The following APBA2 variants were observed in gnomAD, a reference collection of about 807,000 sequenced individuals.
The protein encoded by APBA2 is amyloid beta precursor protein binding family A member 2.
A neutral mutation model predicts 75.0 loss-of-function variants in APBA2; 30 were observed. That is an observed-to-expected ratio of 0.40 (90% CI 0.30 to 0.54). APBA2 has a LOEUF of 0.54. Ranked by LOEUF, APBA2 falls within the 20% of genes least tolerant of loss-of-function variation. The pLI, the probability that APBA2 is intolerant of heterozygous loss-of-function variation, is 0.49. For missense variants in APBA2, 801 were observed against 1,016.1 expected, an observed-to-expected ratio of 0.79 and a Z score of 2.88; for synonymous variants, 444 against 409.6, an observed-to-expected ratio of 1.08 and a Z score of -1.01.
intron 2 of APBA2, among the ~76,000 whole-genome samples, chr15:28,949,823 A>G (rs1016913242): frequency 6.6e-6 from 1 of 152,214 alleles, no homozygotes; most frequent in Admixed American, 6.5e-5. Flanking sequence ...GTTATAAAAA[A>G]GTTGCAAAGA....
intron 1 of APBA2, among the ~76,000 whole-genome samples, chr15:28,913,731 G>A (rs1209217876): frequency 6.6e-6 from 1 of 152,172 alleles, no homozygotes; most frequent in Non-Finnish European, 1.5e-5. Flanking sequence ...TCTTTAGAAC[G>A]TTAGCACTTA....
At chr15:28,961,833 CGTTAG>C (rs2036489716) in intron 2 of APBA2, among the ~76,000 whole-genome samples, 1 of 152,110 alleles carries the variant, frequency 6.6e-6, no homozygotes, top group Non-Finnish European at 1.5e-5. Flanking sequence ...AGATCCCGGA[CGTTAG>C]TATTTTTAAG....
At chr15:28,956,419 A>G (rs2036171444) in intron 2 of APBA2, among the ~76,000 whole-genome samples, 1 of 152,150 alleles carries the variant, frequency 6.6e-6, no homozygotes, top group Non-Finnish European at 1.5e-5. Flanking sequence ...GTCAGGGAAT[A>G]GCCAGTGTCA....
intron 1 of APBA2, among the ~76,000 whole-genome samples, chr15:28,913,531 G>A (rs2152654265): frequency 1.3e-5 from 2 of 152,296 alleles, no homozygotes; most frequent in Middle Eastern, 6.8e-3. Flanking sequence ...ATCTGTGCCT[G>A]TCTACTTCCT....
At chr15:28,943,688 A>C (rs1245954307) in intron 2 of APBA2, among the ~76,000 whole-genome samples, 1 of 152,112 alleles carries the variant, frequency 6.6e-6, no homozygotes, top group Non-Finnish European at 1.5e-5. Context: ...CTCCTCCATC[A>C]GGAATCATGG....
intron 1 of APBA2, among the ~76,000 whole-genome samples, chr15:28,890,533 C>T (rs933424350): frequency 3.3e-5 from 5 of 152,322 alleles, no homozygotes; most frequent in East Asian, 1.9e-4. Flanking sequence ...CAGAAGCCTC[C>T]GCCTGCCTGA....
At chr15:29,007,193 C>T (rs1378546927) in intron 3 of APBA2, among the ~76,000 whole-genome samples, 1 of 152,112 alleles carries the variant, frequency 6.6e-6, no homozygotes, top group Non-Finnish European at 1.5e-5. Flanking sequence ...GTTGGAAAAA[C>T]TGAAAACAAT....
chr15:28,993,192 T>G (rs2152787515), intron 2 of APBA2, among the ~76,000 whole-genome samples: 1 of 152,332 alleles, frequency 6.6e-6, no homozygotes, highest in South Asian at 2.1e-4. Flanking sequence ...CAGAGTCAGC[T>G]GCCCCCAGGG....
intron 3 of APBA2, among the ~76,000 whole-genome samples, chr15:29,032,499 A>T (rs913460609): frequency 6.6e-6 from 1 of 152,210 alleles, no homozygotes; most frequent in African/African-American, 2.4e-5. Context: ...CTCTGCAGTC[A>T]TGTGAGCCAA....
chr15:28,960,842 C>T (rs1201345679), intron 2 of APBA2, among the ~76,000 whole-genome samples: 2 of 149,308 alleles, frequency 1.3e-5, no homozygotes, highest in Non-Finnish European at 3.0e-5. Flanking sequence ...TCGCCGCAAC[C>T]TCCGCCTCCC....
chr15:28,946,995 G>T (rs2035584584), intron 2 of APBA2, among the ~76,000 whole-genome samples: 1 of 152,162 alleles, frequency 6.6e-6, no homozygotes, highest in Non-Finnish European at 1.5e-5. Flanking sequence ...GAGACTCAGG[G>T]ACCAAGCCTT....
At chr15:29,026,283 T>G (rs2040219530) in intron 3 of APBA2, among the ~76,000 whole-genome samples, 1 of 152,196 alleles carries the variant, frequency 6.6e-6, no homozygotes, top group African/African-American at 2.4e-5. Context: ...CAGGTGCATC[T>G]GCCATACAGG....
chr15:29,079,164 T>C (rs1285129024), intron 6 of APBA2, among the ~76,000 whole-genome samples: 1 of 152,052 alleles, frequency 6.6e-6, no homozygotes. Context: ...TGAGAGATAC[T>C]GGCTGCTGGG....
intron 3 of APBA2, among the ~76,000 whole-genome samples, chr15:29,043,488 C>T (rs2041153750): frequency 1.3e-5 from 2 of 152,172 alleles, no homozygotes; most frequent in South Asian, 4.1e-4. Flanking sequence ...TGTAGAAGTA[C>T]TATAGCCAGG....
In APBA2 at chr15:29,093,082, G is replaced by C. The variant is rs144741312; in HGVS notation, c.1077G>C (p.Gly359=). Residue 359 remains glycine (G), a synonymous_variant, in exon 7 of 15, where the codon GGG becomes GGC. Transcript: ENST00000683413. ...ASFPSFVAVP[G]PCEPEDLIDG... Reference sequence around the variant, plus strand: ...CTCTGTGCCCTCCTTCAGTTCCAGGGCCCTGCGAACCAGAAGACCTCATCG... The same window carrying C: ...CTCTGTGCCCTCCTTCAGTTCCAGGCCCCTGCGAACCAGAAGACCTCATCG... 4 of 1,614,180 alleles carry C rather than the reference G, an allele frequency of 2.5e-6. No individual in the cohort carries two copies. The African/African-American group carries it at 5.3e-5, about 22-fold the overall frequency.
At chr15:28,993,521 C>T (rs1278010516) in intron 2 of APBA2, among the ~76,000 whole-genome samples, 1 of 152,086 alleles carries the variant, frequency 6.6e-6, no homozygotes, top group African/African-American at 2.4e-5. Flanking sequence ...TTCCTCCACC[C>T]TCCGCAAAGG....
At chr15:28,899,421 CTT>C (rs1281665831) in intron 1 of APBA2, among the ~76,000 whole-genome samples, 1 of 152,238 alleles carries the variant, frequency 6.6e-6, no homozygotes, top group African/African-American at 2.4e-5. Flanking sequence ...GAGAGAGACT[CTT>C]TGTCTGACGA....
chr15:28,897,188 C>T (rs1039357824), intron 1 of APBA2, among the ~76,000 whole-genome samples: 14 of 151,074 alleles, frequency 9.3e-5, no homozygotes, highest in Non-Finnish European at 1.9e-4. Context: ...ACACGACACA[C>T]ACACACACAC....
Position 29,040,768 on chromosome 15 carries a change from G to A in APBA2, c.-40-13077G>A, listed in dbSNP as rs914441570. On this transcript the variant is annotated intron_variant, in intron 3 of 14. Coordinates refer to ENST00000683413, the MANE Select transcript of APBA2 (RefSeq NM_001353788.2). The stretch of plus-strand genomic sequence containing the variant: ...AGGGTTAAAATGTACATATTAAAGC[G>A]ATCTGGGATGCAATCTACAATTATT... Among the ~76,000 whole-genome samples, 9 of 152,082 alleles carry A rather than the reference G, an allele frequency of 5.9e-5. No individual in the cohort carries two copies. The South Asian group carries it at 1.7e-3, about 28-fold the overall frequency.
Sources: allele counts gnomAD v4.1 joint callset (sites outside exome capture counted in the v4.1 genomes callset), GRCh38; gene constraint gnomAD v4.1.1; transcripts MANE v1.5; gene names NCBI Gene and HGNC (gene_info 2026-07-23, HGNC 2026-07-21).